Variants in CPD observed in about 807,000 individuals in gnomAD.
CPD encodes the protein metallocarboxypeptidase D.
In CPD, 69 loss-of-function variants were observed where a neutral mutation model predicts 138.3. The observed-to-expected ratio is 0.50, with a 90% CI of 0.41 to 0.61. The LOEUF is 0.61. CPD is among the 20% of genes least tolerant of loss of function. The probability of loss-of-function intolerance (pLI) is 0.00; values close to 1 mark genes in which losing one functional copy is unlikely to be tolerated. For synonymous variants in CPD, 651 were observed against 642.1 expected (o/e 1.01, Z -0.21); for missense variants, 1,432 against 1,733.3 (o/e 0.83, Z 3.09).
intron 17 of CPD, among the ~76,000 whole-genome samples, 184 bp from the exon 18 acceptor site, chr17:30,460,996 T>A (rs1053003505): frequency 6.6e-6 from 1 of 152,230 alleles, no homozygotes; most frequent in Non-Finnish European, 1.5e-5. Context: ...AGGGCTCTCA[T>A]AGAGTTTGTG....
intron 2 of CPD, among the ~76,000 whole-genome samples, chr17:30,400,376 T>TTA (rs1213128869): frequency 6.6e-6 from 1 of 152,020 alleles, no homozygotes; most frequent in Non-Finnish European, 1.5e-5. Flanking sequence ...TGTACTTAAC[T>TTA]TATATATATA....
chr17:30,437,758 A>G (rs927164649), intron 8 of CPD, among the ~76,000 whole-genome samples: 1 of 122,202 alleles, frequency 8.2e-6, no homozygotes, highest in Non-Finnish European at 1.7e-5. Context: ...ATCTAAAATT[A>G]TGGTTTTTAT....
At chr17:30,453,918 T>G (rs1913227937) in intron 14 of CPD, 1 of 152,246 alleles carries the variant, frequency 6.6e-6, no homozygotes, top group Non-Finnish European at 1.5e-5. Context: ...TTGGCCCCTT[T>G]TAGTCACAGC....
intron 2 of CPD, among the ~76,000 whole-genome samples, chr17:30,396,882 A>C (rs934427568): frequency 3.5e-4 from 50 of 143,580 alleles, no homozygotes; most frequent in Middle Eastern, 7.4e-3. Context: ...TTTAGATCTC[A>C]GTTTTCATAC....
rs778951658 is a variant in CPD, at chr17:30,451,722, G to A, written c.3081G>A (p.Arg1027=). 2 of 1,613,790 alleles carry A rather than the reference G, an allele frequency of 1.2e-6. No individual in the cohort carries two copies. Among genetic ancestry groups the A allele is most frequent in the African/African-American group, 2.7e-5 (2 of 74,920 alleles). Residue 1027 remains arginine, a synonymous_variant, in exon 14 of 21, where the codon AGG becomes AGA. Coordinates refer to ENST00000225719, the MANE Select transcript of CPD (RefSeq NM_001304.5). ...TGTTTGTGCTTCAGTTGGTTGACAG[G>A]ACTAGGATTGTGATTGTCCCTTCTC... is the stretch of plus-strand genomic sequence containing the variant. The part of the protein sequence containing the change: ...KNPAVTQLVD[R]TRIVIVPSLN...
intron 17 of CPD, among the ~76,000 whole-genome samples, chr17:30,460,675 T>C (rs1474171834): frequency 1.3e-5 from 2 of 152,160 alleles, no homozygotes. Flanking sequence ...AGGTGGTAAG[T>C]TGGGTTTTTG....
At chr17:30,401,444 ATCTTCTTCTTCTTCTTCC>A (rs1205264341) in intron 2 of CPD, among the ~76,000 whole-genome samples, 15 of 94,488 alleles carry the variant, frequency 1.6e-4, no homozygotes, top group African/African-American at 5.4e-4. Context: ...CTTCTTCCTC[ATCTTCTTCTTCTTCTTCC>A]TCTTCTTCTT....
chr17:30,398,067 A>G (rs1018692182), intron 2 of CPD, among the ~76,000 whole-genome samples: 7 of 151,966 alleles, frequency 4.6e-5, no homozygotes, highest in African/African-American at 1.7e-4. Flanking sequence ...CTTTGTTTAC[A>G]ACTATTTAAA....
At chr17:30,420,624 T>C (rs565950242) in intron 2 of CPD, among the ~76,000 whole-genome samples, 52 of 152,358 alleles carry the variant, frequency 3.4e-4, no homozygotes, top group South Asian at 1.4e-3. Context: ...ATTAATTAAA[T>C]GTATTTTTTC....
At chr17:30,400,961 G>T (rs1911644448) in intron 2 of CPD, among the ~76,000 whole-genome samples, 1 of 151,968 alleles carries the variant, frequency 6.6e-6, no homozygotes, top group Admixed American at 6.6e-5. Context: ...ACAGGCGTGA[G>T]CCACTGCACC....
chr17:30,425,732 T>C (rs1324396144), intron 6 of CPD, among the ~76,000 whole-genome samples: 1 of 151,964 alleles, frequency 6.6e-6, no homozygotes, highest in Non-Finnish European at 1.5e-5. Context: ...TGTCATTATA[T>C]GTGGATTATT....
At chr17:30,426,199 CAAAAAA>C (rs35054719) in intron 6 of CPD, among the ~76,000 whole-genome samples, 4 of 105,456 alleles carry the variant, frequency 3.8e-5, no homozygotes, top group Non-Finnish European at 8.0e-5. Context: ...GGCTCCGTCT[CAAAAAA>C]AAAAAAAAAA....
At chr17:30,417,641 C>A (rs559734311) in intron 2 of CPD, among the ~76,000 whole-genome samples, 72 of 152,238 alleles carry the variant, frequency 4.7e-4, no homozygotes, top group Non-Finnish European at 9.4e-4. Flanking sequence ...TGTCTCACAT[C>A]TTTCCCTTCT....
intron 2 of CPD, among the ~76,000 whole-genome samples, chr17:30,417,048 G>C (rs182792027): frequency 8.5e-4 from 128 of 151,332 alleles, no homozygotes; most frequent in African/African-American, 3.0e-3. Context: ...GTTGCAGTGA[G>C]CCGAGATCGC....
rs1472955715 is a variant in CPD at position 30,420,793 on chromosome 17, T to C, written c.995-48T>C. The C allele has an allele frequency of 3.3e-6, 5 of 1,521,814 alleles. No individual in the cohort carries two copies. In the Admixed American group the frequency reaches 7.1e-5, roughly 21 times the overall value. The allele number at this position is 1,521,814 out of a possible 1,614,324, so 94.3% of individuals were successfully genotyped here. On this transcript the variant is annotated intron_variant, in intron 2 of 20. Transcript: ENST00000225719. ...TTAATTTCTTCAGTCTTTTGGAGGG[T>C]AGAATTATTTTCCTTCTGAGAGTAA...
intron 1 of CPD, among the ~76,000 whole-genome samples, chr17:30,381,077 T>C (rs1196496645): frequency 1.3e-5 from 2 of 152,388 alleles, no homozygotes; most frequent in African/African-American, 4.8e-5. Flanking sequence ...TTTCGTCTTC[T>C]ATCTTTTACT....
chr17:30,456,732 C>G, intron 17 of CPD: 1 of 446,730 alleles, frequency 2.2e-6, no homozygotes, highest in Non-Finnish European at 4.1e-6. Flanking sequence ...ATCCCAGCTA[C>G]TTGGGAGGCT....
rs1913712384 is a variant in CPD, at chr17:30,468,819, G to A, written c.*4005G>A. The A allele has an allele frequency of 6.6e-6, 1 of 152,102 alleles. No homozygotes were observed. The highest frequency in any genetic ancestry group is 2.1e-4 in the South Asian group (1 of 4,826). The allele number at this position is 152,102 out of a possible 1,614,324, so 9.4% of individuals were successfully genotyped here. A position where few individuals can be genotyped will look rare whatever the true frequency, so the allele number is the denominator to read the frequency against. On this transcript the variant is annotated 3_prime_UTR_variant, in exon 21 of 21. Coordinates refer to ENST00000225719, the MANE Select transcript of CPD (RefSeq NM_001304.5). ...AATAGTACCAGGATCAGAATACAGG[G>A]TATCACCTATGGAATGTTTCTGTAT...
intron 2 of CPD, among the ~76,000 whole-genome samples, chr17:30,399,012 G>T (rs947457932): frequency 6.6e-6 from 1 of 151,800 alleles, no homozygotes; most frequent in African/African-American, 2.4e-5. Context: ...AGAAGATAAA[G>T]GTAGACATCA....
Sources: gnomAD v4.1 joint callset for allele counts (sites outside exome capture counted in the v4.1 genomes callset) on GRCh38, gnomAD v4.1.1 for gene constraint, MANE v1.5 for transcripts, NCBI Gene and HGNC (gene_info 2026-07-23, HGNC 2026-07-21) for gene names.